The following TPTE2 variants were observed in gnomAD, a reference collection of about 807,000 sequenced individuals.
TPTE2 encodes transmembrane phosphoinositide 3-phosphatase and tensin homolog 2.
In TPTE2, 53 loss-of-function variants were observed where a neutral mutation model predicts 78.6. That is an observed-to-expected ratio of 0.67 (90% confidence interval 0.54 to 0.85). TPTE2 has a LOEUF of 0.85. TPTE2 is among the 40% of genes least tolerant of loss of function. The pLI, the probability that TPTE2 is intolerant of heterozygous loss-of-function variation, is 0.00. For missense variants in TPTE2, 461 were observed against 623.0 expected (o/e 0.74, Z 2.77); for synonymous variants, 175 against 206.2 (o/e 0.85, Z 1.30).
chr13:19,487,619 T>C (rs1028160434), intron 3 of TPTE2, among the ~76,000 whole-genome samples: 1 of 152,112 alleles, frequency 6.6e-6, no homozygotes, highest in Non-Finnish European at 1.5e-5. Flanking sequence ...TCTGCATTAC[T>C]TGAGTTACAG....
At chr13:19,430,277 T>C (rs538099764) in intron 17 of TPTE2, among the ~76,000 whole-genome samples, 191 bp downstream of exon 20, 7 of 152,344 alleles carry the variant, frequency 4.6e-5, no homozygotes, top group African/African-American at 1.7e-4. Context: ...CTGAAAAAAC[T>C]GTTTTGAACA....
At chr13:19,444,771 G>A (rs957608488) in intron 13 of TPTE2, among the ~76,000 whole-genome samples, 25 of 152,098 alleles carry the variant, frequency 1.6e-4, no homozygotes, top group South Asian at 1.5e-3. Flanking sequence ...TGATGAGGAC[G>A]TATTAGAAAG....
the TPTE2 span, among the ~76,000 whole-genome samples, chr13:19,544,079 A>AAAAAAAC: frequency 6.7e-6 from 1 of 149,604 alleles, no homozygotes; most frequent in Non-Finnish European, 1.5e-5. Context: ...AAAAAAAAAA[A>AAAAAAAC]AAAGCCAAGA....
At chr13:19,498,841 G>T (rs1240692116) in intron 1 of TPTE2, among the ~76,000 whole-genome samples, 1 of 152,000 alleles carries the variant, frequency 6.6e-6, no homozygotes, top group African/African-American at 2.4e-5. Flanking sequence ...CCAATCAAAA[G>T]ACACAGACTG....
At chr13:19,495,028 C>A (rs886552972) in intron 1 of TPTE2, among the ~76,000 whole-genome samples, 1 of 152,320 alleles carries the variant, frequency 6.6e-6, no homozygotes, top group East Asian at 1.9e-4. Context: ...AGGGTATCTA[C>A]ACCTCAATGT....
upstream of TPTE2, among the ~76,000 whole-genome samples, chr13:19,506,211 G>A (rs1323581850): frequency 1.6e-4 from 15 of 95,802 alleles, no homozygotes; most frequent in South Asian, 7.8e-4. Flanking sequence ...TCGCTCTGTC[G>A]CCCAGGCTGG....
chr13:19,447,416 A>G (rs1346804825), intron 13 of TPTE2, among the ~76,000 whole-genome samples: 2 of 152,232 alleles, frequency 1.3e-5, no homozygotes, highest in Admixed American at 1.3e-4. Context: ...GGCCATTTTT[A>G]AAGCAAAAGA....
chr13:19,497,160 G>A (rs556330933), intron 1 of TPTE2, among the ~76,000 whole-genome samples: 18 of 151,916 alleles, frequency 1.2e-4, no homozygotes, highest in East Asian at 5.9e-4. Flanking sequence ...CGCCCACGGA[G>A]TCTCGCTGAT....
At chr13:19,482,627 T>A in intron 3 of TPTE2, 80 bp from the exon 7 acceptor site, 3 of 1,549,670 alleles carry the variant, frequency 1.9e-6, no homozygotes, top group Non-Finnish European at 2.6e-6. Context: ...TATATTTGAA[T>A]AACAAGAATC....
At chr13:19,525,082 A>G (rs1164638750) in intron 1 of TPTE2, among the ~76,000 whole-genome samples, 3 of 152,142 alleles carry the variant, frequency 2.0e-5, no homozygotes, top group Non-Finnish European at 4.4e-5. Context: ...TTGAAGTTTC[A>G]GGGATCAGTT....
At chr13:19,485,529 T>C (rs1000979759) in intron 3 of TPTE2, among the ~76,000 whole-genome samples, 2 of 152,128 alleles carry the variant, frequency 1.3e-5, no homozygotes, top group Admixed American at 6.5e-5. Flanking sequence ...GGGTTGAATG[T>C]ATTTGGGGTT....
At chr13:19,488,516 T>G (rs1161230281) in intron 3 of TPTE2, among the ~76,000 whole-genome samples, 1 of 152,282 alleles carries the variant, frequency 6.6e-6, no homozygotes, top group Non-Finnish European at 1.5e-5. Flanking sequence ...CTGCTGCTTC[T>G]GCATCAGCAC....
At chr13:19,455,308 G>C (rs1349397154) in intron 10 of TPTE2, among the ~76,000 whole-genome samples, 3 of 152,186 alleles carry the variant, frequency 2.0e-5, no homozygotes, top group Admixed American at 1.3e-4. Context: ...TGAGAATAAG[G>C]TAGAATCATT....
chr13:19,440,135 C>T (rs1877393267), intron 13 of TPTE2, among the ~76,000 whole-genome samples: 2 of 152,100 alleles, frequency 1.3e-5, no homozygotes, highest in Non-Finnish European at 2.9e-5. Flanking sequence ...TGAGCATTAC[C>T]AAGGCATATA....
chr13:19,463,977 G>A (rs1879099051), intron 10 of TPTE2, among the ~76,000 whole-genome samples: 1 of 152,188 alleles, frequency 6.6e-6, no homozygotes, highest in African/African-American at 2.4e-5. Context: ...TGCAGCATAT[G>A]GTGGCTCTGC....
At chr13:19,539,572 T>G (rs2137765090), upstream of TPTE2, among the ~76,000 whole-genome samples, 1 of 152,326 alleles carries the variant, frequency 6.6e-6, no homozygotes, top group Non-Finnish European at 1.5e-5. Flanking sequence ...CATAGCAGTA[T>G]GAAAATGGAC....
In TPTE2 at chr13:19,438,169, A is replaced by C. The variant is rs771577039; in HGVS notation, c.974-16T>G. The C allele has an allele frequency of 1.2e-6, 2 of 1,607,058 alleles. No homozygotes were observed. Among genetic ancestry groups the C allele is most frequent in the South Asian group, 2.2e-5 (2 of 90,026 alleles). On this transcript the variant is annotated splice_polypyrimidine_tract_variant and intron_variant, in intron 13 of 19. Coordinates refer to ENST00000400230, the Ensembl canonical transcript of TPTE2. ...CCGGTTCTTCCTAGAAAAGAAAAGA[A>C]GTTAGTTCAAGAACATACATGGTAT...
At chr13:19,459,825 G>C (rs1472071916) in intron 10 of TPTE2, among the ~76,000 whole-genome samples, 2 of 152,186 alleles carry the variant, frequency 1.3e-5, no homozygotes, top group South Asian at 2.1e-4. Context: ...CAGATTGTCT[G>C]TATTCTCCAT....
chr13:19,545,841 C>T, the TPTE2 span, among the ~76,000 whole-genome samples: 9 of 152,226 alleles, frequency 5.9e-5, no homozygotes, highest in Non-Finnish European at 8.8e-5. Flanking sequence ...ATACCTATCT[C>T]TCAAAATCTA....
Sources: gnomAD v4.1 joint callset for allele counts (sites outside exome capture counted in the v4.1 genomes callset) on GRCh38, gnomAD v4.1.1 for gene constraint, MANE v1.5 for transcripts, NCBI Gene and HGNC (gene_info 2026-07-23, HGNC 2026-07-21) for gene names.